ULK4: variants seen among roughly 807,000 people sequenced by gnomAD.
ULK4 encodes the protein inactive serine/threonine-protein kinase ULK4.
Under a neutral mutation model 160.6 loss-of-function variants are expected in ULK4, and 133 were observed. The observed-to-expected ratio is 0.83, with a 90% confidence interval of 0.72 to 0.96. The LOEUF (loss-of-function observed/expected upper bound fraction) is 0.96. ULK4 is among the 40% of genes least tolerant of loss of function. The pLI is 0.00. For missense variants in ULK4, 1,580 were observed against 1,499.5 expected, an observed-to-expected ratio of 1.05 and a Z score of -0.89; for synonymous variants, 534 against 539.8, an observed-to-expected ratio of 0.99 and a Z score of 0.15.
intron 32 of ULK4, among the ~76,000 whole-genome samples, chr3:41,470,481 A>G (rs2083961058): frequency 6.6e-6 from 1 of 152,214 alleles, no homozygotes; most frequent in African/African-American, 2.4e-5. Flanking sequence ...AAAGAGAGTT[A>G]AGTTAAACAA....
intron 7 of ULK4, among the ~76,000 whole-genome samples, chr3:41,916,641 T>C (rs1191406617): frequency 6.6e-6 from 1 of 152,078 alleles, no homozygotes; most frequent in African/African-American, 2.4e-5. Flanking sequence ...TCCACCTGCC[T>C]TGGATCTCCT....
chr3:41,646,520 T>C lies in ULK4; in HGVS notation c.3071+17087A>G, dbSNP rs541903014. Among the ~76,000 whole-genome samples the C allele has an allele frequency of 7.2e-5, 11 of 152,304 alleles. No individual in the cohort carries two copies. The East Asian group carries it at 1.2e-3, about 16-fold the overall frequency. Reference sequence around the variant, plus strand: ...TTCTTTAAGAATGTTGAATATTGGCTCCCACTCTCTTCTGGCTTGTACAGT... The same window carrying C: ...TTCTTTAAGAATGTTGAATATTGGCCCCCACTCTCTTCTGGCTTGTACAGT... On this transcript the variant is annotated intron_variant, in intron 30 of 36. Coordinates refer to ENST00000301831, the MANE Select transcript of ULK4 (RefSeq NM_017886.4).
chr3:41,853,684 A>G (rs2042268251), intron 17 of ULK4, among the ~76,000 whole-genome samples: 2 of 152,158 alleles, frequency 1.3e-5, no homozygotes, highest in Non-Finnish European at 1.5e-5. Flanking sequence ...CCCTATTCAC[A>G]AGCCAAAGCA....
At chr3:41,421,396 GTTTC>G (rs1476467112) in intron 34 of ULK4, among the ~76,000 whole-genome samples, 2 of 152,100 alleles carry the variant, frequency 1.3e-5, no homozygotes, top group African/African-American at 4.8e-5. Flanking sequence ...TGCATTTAGA[GTTTC>G]TTTATTTAAA....
intron 25 of ULK4, among the ~76,000 whole-genome samples, 184 bp downstream of exon 25, chr3:41,715,051 GAA>G (rs1252414895): frequency 6.6e-6 from 1 of 152,104 alleles, no homozygotes; most frequent in East Asian, 1.9e-4. Context: ...TATCAGGAGA[GAA>G]TGTGTTTTCT....
chr3:41,401,618 G>C (rs1257497811), intron 34 of ULK4, among the ~76,000 whole-genome samples: 1 of 152,120 alleles, frequency 6.6e-6, no homozygotes, highest in Non-Finnish European at 1.5e-5. Context: ...TGACAATGCT[G>C]AATTATTCTC....
intron 34 of ULK4, among the ~76,000 whole-genome samples, chr3:41,398,653 A>T (rs944529622): frequency 2.6e-5 from 4 of 151,684 alleles, no homozygotes; most frequent in Admixed American, 2.6e-4. Flanking sequence ...CAGCCTCCCA[A>T]AGTGCTGGGA....
intron 17 of ULK4, among the ~76,000 whole-genome samples, chr3:41,877,172 G>A (rs75549423): frequency 1.3e-5 from 2 of 152,016 alleles, no homozygotes; most frequent in Non-Finnish European, 2.9e-5. Context: ...AAAACTCAGC[G>A]TTTTGACTGT....
chr3:41,896,473 C>T (rs746835818), intron 15 of ULK4, among the ~76,000 whole-genome samples: 2 of 152,076 alleles, frequency 1.3e-5, no homozygotes, highest in Non-Finnish European at 2.9e-5. Context: ...AGGCTGGTTT[C>T]GAACTCCTGA....
At chr3:41,873,439 C>A in intron 17 of ULK4, among the ~76,000 whole-genome samples, 1 of 151,590 alleles carries the variant, frequency 6.6e-6, no homozygotes. Context: ...ATTTTAGCTG[C>A]CGCCATTTCT....
intron 17 of ULK4, among the ~76,000 whole-genome samples, chr3:41,856,588 C>CACATATATATATATGTGTATATATAT (rs2042364114): frequency 1.4e-5 from 1 of 71,904 alleles, no homozygotes; most frequent in Non-Finnish European, 3.1e-5. Flanking sequence ...TATATATATA[C>CACATATATATATATGTGTATATATAT]ACATATATAT....
At chr3:41,577,901 A>G (rs1044397645) in intron 31 of ULK4, among the ~76,000 whole-genome samples, 10 of 152,140 alleles carry the variant, frequency 6.6e-5, no homozygotes, top group African/African-American at 2.4e-4. Flanking sequence ...AAAACAGATA[A>G]ATTTTTTGCC....
At chr3:41,374,320 CAG>C (rs2081432893) in intron 35 of ULK4, among the ~76,000 whole-genome samples, 2 of 152,232 alleles carry the variant, frequency 1.3e-5, no homozygotes, top group Admixed American at 6.5e-5. Context: ...CAAAACCCGG[CAG>C]AGACACAACA....
At chr3:41,699,609 G>GA (rs2036606525) in intron 27 of ULK4, among the ~76,000 whole-genome samples, 1 of 152,140 alleles carries the variant, frequency 6.6e-6, no homozygotes, top group Admixed American at 6.5e-5. Flanking sequence ...AAAACTCTGG[G>GA]AAAAATCTGA....
intron 27 of ULK4, chr3:41,687,830 T>C (rs2036149594): frequency 6.6e-6 from 1 of 152,270 alleles, no homozygotes; most frequent in Non-Finnish European, 1.5e-5. Context: ...GATAATGTAC[T>C]TGACAGGTAA....
At chr3:41,482,788 TTTCAA>T (rs1397879084) in intron 32 of ULK4, among the ~76,000 whole-genome samples, 1 of 152,242 alleles carries the variant, frequency 6.6e-6, no homozygotes, top group East Asian at 1.9e-4. Context: ...AGACAAGTAC[TTTCAA>T]TTCCTTTTTT....
chr3:41,418,713 G>A (rs2082590635), intron 34 of ULK4, among the ~76,000 whole-genome samples: 1 of 152,132 alleles, frequency 6.6e-6, no homozygotes, highest in South Asian at 2.1e-4. Context: ...AGTCCCTACA[G>A]TATTCACAGG....
intron 32 of ULK4, among the ~76,000 whole-genome samples, chr3:41,551,309 C>A (rs1238617873): frequency 2.7e-5 from 4 of 149,194 alleles, no homozygotes; most frequent in Admixed American, 1.3e-4. Flanking sequence ...AAGAGAGAGG[C>A]AAAAAAGTAT....
At chr3:41,332,212 A>C (rs527566840) in intron 35 of ULK4, among the ~76,000 whole-genome samples, 9 of 152,038 alleles carry the variant, frequency 5.9e-5, no homozygotes, top group South Asian at 4.1e-4. Flanking sequence ...AAGAGGAAAA[A>C]AAAAAACAAA....
Sources: gnomAD v4.1 joint callset for allele counts (sites outside exome capture counted in the v4.1 genomes callset) on GRCh38, gnomAD v4.1.1 for gene constraint, MANE v1.5 for transcripts, NCBI Gene and HGNC (gene_info 2026-07-23, HGNC 2026-07-21) for gene names.